The following CFDP1 variants were observed in gnomAD, a reference collection of about 807,000 sequenced individuals.
CFDP1 encodes heterochromatin-stabilizing protein CFDP1.
CFDP1 carries 31 observed loss-of-function variants against 40.1 expected under a neutral mutation model. That is an observed-to-expected ratio of 0.77 (90% CI 0.58 to 1.04). The LOEUF (loss-of-function observed/expected upper bound fraction) is 1.04. CFDP1 is among the 50% of genes least tolerant of loss of function. The pLI is 0.00. For missense variants in CFDP1, 423 were observed against 343.4 expected, an observed-to-expected ratio of 1.23 and a Z score of -1.83; for synonymous variants, 167 against 120.0, an observed-to-expected ratio of 1.39 and a Z score of -2.56.
At chr16:75,407,763 A>T (rs141439834) in intron 4 of CFDP1, among the ~76,000 whole-genome samples, 4 of 151,950 alleles carry the variant, frequency 2.6e-5, no homozygotes, top group Non-Finnish European at 5.9e-5. Context: ...ACTTGACGGG[A>T]TAAATCATTG....
rs1371616222 is a variant in CFDP1, at chr16:75,328,665, T to C, written c.651-23483A>G. Among the ~76,000 whole-genome samples the C allele has an allele frequency of 4.1e-5, 5 of 121,624 alleles. No homozygotes were observed. The East Asian group carries it at 7.5e-4, about 18-fold the overall frequency. 79.8% of individuals were successfully genotyped at this position (121,624 alleles called of 152,430 possible). On this transcript the variant is annotated intron_variant, in intron 5 of 6. Coordinates refer to ENST00000283882, the MANE Select transcript of CFDP1 (RefSeq NM_006324.3). ...CAATAAATACTGATAAATAAAGAAATAGCAGTATAATAAGCATAATTTTTT... is the reference window on the plus strand; with the variant it reads ...CAATAAATACTGATAAATAAAGAAACAGCAGTATAATAAGCATAATTTTTT...
intron 1 of CFDP1, among the ~76,000 whole-genome samples, chr16:75,418,090 C>T: frequency 6.6e-6 from 1 of 151,666 alleles, no homozygotes; most frequent in Admixed American, 6.6e-5. Flanking sequence ...CCCATCTCTA[C>T]TAAAAATACA....
intron 5 of CFDP1, among the ~76,000 whole-genome samples, chr16:75,374,004 G>C (rs1229319277): frequency 6.6e-6 from 1 of 152,104 alleles, no homozygotes; most frequent in African/African-American, 2.4e-5. Flanking sequence ...TGTAATCCCA[G>C]CACTTTGGGA....
At chr16:75,390,948 G>C (rs747841170) in intron 5 of CFDP1, among the ~76,000 whole-genome samples, 45 of 152,198 alleles carry the variant, frequency 3.0e-4, no homozygotes, top group Non-Finnish European at 5.6e-4. Flanking sequence ...TATCATATTT[G>C]AGAATGCCAT....
chr16:75,323,671 C>G (rs1324197187), intron 5 of CFDP1, among the ~76,000 whole-genome samples: 4 of 151,864 alleles, frequency 2.6e-5, no homozygotes, highest in African/African-American at 9.7e-5. Context: ...CCCAGCTACT[C>G]CAGAGGCTGA....
intron 1 of CFDP1, among the ~76,000 whole-genome samples, chr16:75,426,100 C>G (rs1420282784): frequency 6.9e-6 from 1 of 144,366 alleles, no homozygotes; most frequent in East Asian, 2.1e-4. Context: ...CCTATAATCC[C>G]AACACTTTGG....
At chr16:75,340,233 C>A (rs973213456) in intron 5 of CFDP1, among the ~76,000 whole-genome samples, 4 of 152,186 alleles carry the variant, frequency 2.6e-5, no homozygotes, top group Middle Eastern at 3.2e-3. Flanking sequence ...GTATCGACAA[C>A]AACCCTGGAG....
At chr16:75,352,002 T>G (rs1158435685) in intron 5 of CFDP1, among the ~76,000 whole-genome samples, 1 of 85,902 alleles carries the variant, frequency 1.2e-5, no homozygotes, top group Non-Finnish European at 2.3e-5. Flanking sequence ...ACTGAGACTC[T>G]GTCTCAAAAA....
chr16:75,388,894 T>C (rs987113504), intron 5 of CFDP1, among the ~76,000 whole-genome samples: 41 of 150,660 alleles, frequency 2.7e-4, no homozygotes, highest in African/African-American at 9.0e-4. Flanking sequence ...TCACCTATGA[T>C]GTTGTTTGAT....
At chr16:75,326,719 G>A (rs2078403963) in intron 5 of CFDP1, among the ~76,000 whole-genome samples, 1 of 152,178 alleles carries the variant, frequency 6.6e-6, no homozygotes. Flanking sequence ...AAGGAGAGCG[G>A]TAAAATGTGG....
chr16:75,412,274 C>A (rs2079169729), intron 3 of CFDP1, among the ~76,000 whole-genome samples: 2 of 152,192 alleles, frequency 1.3e-5, no homozygotes, highest in East Asian at 1.9e-4. Context: ...CTGCCTCAGC[C>A]TCCCAAAGTG....
chr16:75,347,486 T>C (rs986042724), intron 5 of CFDP1, among the ~76,000 whole-genome samples: 1 of 151,844 alleles, frequency 6.6e-6, no homozygotes, highest in Non-Finnish European at 1.5e-5. Flanking sequence ...GAGACCATCC[T>C]GGTTAACACG....
chr16:75,325,337 T>C (rs1369768771), intron 5 of CFDP1, among the ~76,000 whole-genome samples: 2 of 152,228 alleles, frequency 1.3e-5, no homozygotes, highest in African/African-American at 2.4e-5. Flanking sequence ...CCTCAAGCTA[T>C]TCCTTCTGCC....
At position 75,412,570 on chromosome 16, in the gene CFDP1, G is replaced by A; in HGVS notation, c.367C>T (p.Pro123Ser). The change falls in exon 3 of 7, where the codon CCA (proline) becomes TCA (serine). Residue 123 changes from proline (P) to serine (S), a missense_variant. Physicochemically the swap from Pro to Ser is moderately conservative, Grantham distance 74 (BLOSUM62 -1). Transcript: ENST00000283882. ...GTACTTGGGGGCACTTTTGATTTTG[G>A]TCCCACATCATTGAGGAAGCTGGCC... Reference protein sequence around the residue: ...LWASFLNDVGPKSKVPPSTQV... With the variant: ...LWASFLNDVGSKSKVPPSTQV... 1 of 1,614,046 alleles carries A rather than the reference G, an allele frequency of 6.2e-7. No individual in the cohort carries two copies. The highest frequency in any genetic ancestry group is 1.1e-5 in the South Asian group (1 of 91,074).
intron 6 of CFDP1, among the ~76,000 whole-genome samples, chr16:75,295,603 A>G (rs1298146816): frequency 1.3e-5 from 2 of 152,234 alleles, no homozygotes; most frequent in Non-Finnish European, 2.9e-5. Context: ...ATGAGGAACC[A>G]AAACACCTGG....
At chr16:75,431,856 G>A (rs2079422593) in intron 1 of CFDP1, among the ~76,000 whole-genome samples, 1 of 150,748 alleles carries the variant, frequency 6.6e-6, no homozygotes, top group Admixed American at 6.6e-5. Context: ...GTGGAAAGAA[G>A]TTTCTCCTGA....
intron 5 of CFDP1, among the ~76,000 whole-genome samples, chr16:75,366,993 G>C (rs1483583693): frequency 6.6e-6 from 1 of 151,412 alleles, no homozygotes; most frequent in Non-Finnish European, 1.5e-5. Context: ...GCAAAACCCT[G>C]TCTCTACTAA....
chr16:75,297,235 G>T (rs2078190139), intron 6 of CFDP1, among the ~76,000 whole-genome samples: 1 of 149,114 alleles, frequency 6.7e-6, no homozygotes, highest in East Asian at 2.0e-4. Context: ...GGTCAGGCTG[G>T]TCTTGAACTC....
rs2078764380 is a variant in CFDP1 at position 75,372,896 on chromosome 16, GT to G, written c.650+22193del. On this transcript the variant is annotated intron_variant, in intron 5 of 6. Coordinates refer to ENST00000283882, the MANE Select transcript of CFDP1 (RefSeq NM_006324.3). ...AAAAGCCTTAGCAAGGAATATTTTA[GT>G]TCCAAAATTCTAAAGGCAAACTGCT... Among the ~76,000 whole-genome samples, 3 of 152,272 alleles carry G rather than the reference GT, an allele frequency of 2.0e-5. No individual in the cohort carries two copies. The South Asian group carries it at 6.2e-4, about 32-fold the overall frequency.
Sources: allele counts gnomAD v4.1 joint callset (sites outside exome capture counted in the v4.1 genomes callset), GRCh38; gene constraint gnomAD v4.1.1; transcripts MANE v1.5; gene names NCBI Gene and HGNC (gene_info 2026-07-23, HGNC 2026-07-21).